The following ROBO3 variants were observed in gnomAD, a reference collection of about 807,000 sequenced individuals.
ROBO3 encodes the protein roundabout homolog 3.
Under a neutral mutation model 160.5 loss-of-function variants are expected in ROBO3, and 97 were observed. The ratio of observed to expected loss-of-function variants is 0.60; its 90% CI spans 0.51 to 0.72. The LOEUF (loss-of-function observed/expected upper bound fraction) is 0.72, where lower values mean the gene tolerates loss of function less well. Among genes scored for constraint, ROBO3 ranks in the 30% least tolerant of loss-of-function variants. The probability of loss-of-function intolerance (pLI) is 0.00; values close to 1 mark genes in which losing one functional copy is unlikely to be tolerated. For synonymous variants in ROBO3, 780 were observed against 746.2 expected (o/e 1.05, Z -0.74); for missense variants, 1,858 against 1,846.5 (o/e 1.01, Z -0.11).
intron 13 of ROBO3, 80 bp downstream of exon 13, chr11:124,874,989 A>T: frequency 6.5e-7 from 1 of 1,539,652 alleles, no homozygotes; most frequent in South Asian, 1.2e-5. Context: ...AGTATGGGAG[A>T]GTGGGAGGTG....
At chr11:124,871,274 T>TGA in intron 7 of ROBO3, 136 bp downstream of exon 7, 1 of 1,061,384 alleles carries the variant, frequency 9.4e-7, no homozygotes. Context: ...GCAGGTTATT[T>TGA]GAGAGGATTA....
rs1357303158 is a variant in ROBO3, at chr11:124,879,317, C to T, written c.3661C>T (p.Pro1221Ser). The T allele has an allele frequency of 6.2e-7, 1 of 1,608,812 alleles. No homozygotes were observed. The highest frequency in any genetic ancestry group is 1.3e-5 in the African/African-American group (1 of 74,924). The change falls in exon 24 of 28, where the codon CCT becomes TCT. Residue 1221 changes from proline (P) to serine (S), a missense_variant. Transcript: ENST00000397801. ...ACCCCACCTCAGCCCCAGTCCTGCC[C>T]CTAGCACAGCCAGCAGTGCCCCAGG... is the stretch of plus-strand genomic sequence containing the variant. Reference protein sequence around the residue: ...ASPHLSPSPAPSTASSAPGRT... With the variant: ...ASPHLSPSPASSTASSAPGRT...
chr11:124,878,012 C>A lies in ROBO3; in HGVS notation c.3062C>A (p.Thr1021Asn), dbSNP rs2135342002. The A allele has an allele frequency of 6.2e-7, 1 of 1,612,310 alleles. No homozygotes were observed. Among genetic ancestry groups the A allele is most frequent in the South Asian group, 1.1e-5 (1 of 90,760 alleles). Residue 1021 changes from threonine (T) to asparagine (N), a missense_variant, in exon 21 of 28, where the codon ACC becomes AAC. Thr to Asn is a moderately conservative substitution (Grantham distance 65). Transcript: ENST00000397801. The surrounding 1 kb of genome is among the most constrained non-coding windows in gnomAD (Gnocchi z 4.3). ...AAPGEGPVYS[T>N]IDPAGEELQT... Reference sequence around the variant, plus strand: ...CCTGGCGAGGGTCCTGTCTATAGCACCATTGACCCAGCGGGGGAGGAGCTG... The same window carrying A: ...CCTGGCGAGGGTCCTGTCTATAGCAACATTGACCCAGCGGGGGAGGAGCTG...
chr11:124,870,405 A>G (rs1946265613), intron 5 of ROBO3, 102 bp downstream of exon 5: 1 of 1,500,240 alleles, frequency 6.7e-7, no homozygotes, highest in African/African-American at 1.4e-5. Context: ...GAGAACACAG[A>G]GAAGTCTGTT....
intron 1 of ROBO3, among the ~76,000 whole-genome samples, chr11:124,868,289 A>G (rs111437648): frequency 6.6e-6 from 1 of 152,158 alleles, no homozygotes; most frequent in Non-Finnish European, 1.5e-5. Context: ...CTTGCCTTTC[A>G]TAAGGGATCC....
intron 20 of ROBO3, 33 bp downstream of exon 20, chr11:124,877,691 G>A (rs928524792): frequency 2.5e-6 from 4 of 1,606,202 alleles, no homozygotes; most frequent in East Asian, 4.5e-5. Flanking sequence ...CCTGGCTTCA[G>A]CGCACTTCTC....
chr11:124,873,292 C>T lies in ROBO3; in HGVS notation c.1537-18C>T. 1 of 1,599,262 alleles carries T rather than the reference C, an allele frequency of 6.3e-7. No homozygotes were observed. The highest frequency in any genetic ancestry group is 8.5e-7 in the Non-Finnish European group (1 of 1,172,672). On this transcript the variant is annotated intron_variant, in intron 9 of 27. Coordinates refer to ENST00000397801, the MANE Select transcript of ROBO3 (RefSeq NM_022370.4). This position sits in a 1 kb window ranked among gnomAD's most constrained non-coding sequence, Gnocchi z 4.5. ...TTGCTCCACTCTCAGTTTGCCAGTGCTCTGCCCTCTCTTCCAGGAGATGGA... is the reference window on the plus strand; with the variant it reads ...TTGCTCCACTCTCAGTTTGCCAGTGTTCTGCCCTCTCTTCCAGGAGATGGA...
At position 124,873,557 on chromosome 11, in the gene ROBO3, G is replaced by A; in HGVS notation, c.1619-140G>A. On this transcript the variant is annotated intron_variant, in intron 10 of 27. Coordinates refer to ENST00000397801, the MANE Select transcript of ROBO3 (RefSeq NM_022370.4). This position sits in a 1 kb window ranked among gnomAD's most constrained non-coding sequence, Gnocchi z 4.5. ...GTAGTGGTACCCATGGGAGGCAGATGTGAGTAGGGGTTCATATACTATAGC... is the reference window on the plus strand; with the variant it reads ...GTAGTGGTACCCATGGGAGGCAGATATGAGTAGGGGTTCATATACTATAGC... The A allele has an allele frequency of 4.2e-6, 4 of 963,638 alleles. No individual in the cohort carries two copies. Among genetic ancestry groups the A allele is most frequent in the East Asian group, 5.2e-5 (2 of 38,252 alleles). 59.7% of individuals were successfully genotyped at this position (963,638 alleles called of 1,614,324 possible).
At position 124,873,184 on chromosome 11, in the gene ROBO3, T is replaced by C; in HGVS notation, c.1536+95T>C. The stretch of plus-strand genomic sequence containing the variant: ...TACTCACTGGGCCTGTAGCCCCATC[T>C]TTACCCCTCTGTTCTCTCAGAGCAC... On this transcript the variant is annotated intron_variant, in intron 9 of 27. Coordinates refer to ENST00000397801, the MANE Select transcript of ROBO3 (RefSeq NM_022370.4). This position sits in a 1 kb window ranked among gnomAD's most constrained non-coding sequence, Gnocchi z 4.5. 7.0e-7 allele frequency: 1 copy of C among 1,432,560 alleles called. No homozygotes were observed. The highest frequency in any genetic ancestry group is 9.7e-7 in the Non-Finnish European group (1 of 1,035,456). 88.7% of individuals were successfully genotyped at this position (1,432,560 alleles called of 1,614,324 possible). A position where few individuals can be genotyped will look rare whatever the true frequency, so the allele number is the denominator to read the frequency against.
Position 124,876,091 on chromosome 11 carries a change from G to A in ROBO3, c.2559G>A (p.Val853=). The part of the protein sequence containing the change: ...TLVAAATSAG[V]GVPSAPVLVQ... ...TCGCGGCGGCCACCAGCGCAGGCGTGGGCGTGCCCAGTGCCCCAGTGCTGG... is the reference window on the plus strand; with the variant it reads ...TCGCGGCGGCCACCAGCGCAGGCGTAGGCGTGCCCAGTGCCCCAGTGCTGG... The change falls in exon 16 of 28, where the codon GTG becomes GTA. Residue 853 remains valine (V), a synonymous_variant. Transcript: ENST00000397801. The surrounding 1 kb of genome is among the most constrained non-coding windows in gnomAD (Gnocchi z 5.3). The A allele has an allele frequency of 6.2e-7, 1 of 1,607,856 alleles. No homozygotes were observed. Among genetic ancestry groups the A allele is most frequent in the Non-Finnish European group, 8.5e-7 (1 of 1,179,276 alleles).
In ROBO3 at chr11:124,878,341, G is replaced by C. The variant is rs1485591701; in HGVS notation, c.3225G>C (p.Gln1075His). The change falls in exon 22 of 28, where the codon CAG becomes CAC. Residue 1075 changes from glutamine to histidine, a missense_variant. Transcript: ENST00000397801. This position sits in a 1 kb window ranked among gnomAD's most constrained non-coding sequence, Gnocchi z 4.3. ...TGAAGCTTCTGGGGAAACCTGTGCA[G>C]ATGCCCTCTCTGAACTGGCCAGAAG... ...GKVKLLGKPV[Q>H]MPSLNWPEAL... 1.2e-6 allele frequency: 2 copies of C among 1,613,852 alleles called. No individual in the cohort carries two copies. Among genetic ancestry groups the C allele is most frequent in the South Asian group, 1.1e-5 (1 of 91,016 alleles).
chr11:124,879,694 A>G, intron 25 of ROBO3, 93 bp from the exon 26 acceptor site: 1 of 1,573,548 alleles, frequency 6.4e-7, no homozygotes, highest in Non-Finnish European at 8.7e-7. Flanking sequence ...TGGGCTGTTC[A>G]TTGGCAGCCT....
At position 124,872,446 on chromosome 11, in the gene ROBO3, A is replaced by G; in HGVS notation, c.1224A>G (p.Gln408=). ...TGRFSVSPRG[Q]LNITAVQRGD... The stretch of plus-strand genomic sequence containing the variant: ...GCTTCTCAGTGTCTCCAAGAGGCCA[A>G]CTTAACATCACCGCGGTGCAGCGTG... Residue 408 remains glutamine (Q), a synonymous_variant, in exon 8 of 28, where the codon CAA becomes CAG. Coordinates refer to ENST00000397801, the MANE Select transcript of ROBO3 (RefSeq NM_022370.4). The surrounding 1 kb of genome is among the most constrained non-coding windows in gnomAD (Gnocchi z 4.3). The G allele has an allele frequency of 2.5e-6, 4 of 1,613,948 alleles. No individual in the cohort carries two copies. The highest frequency in any genetic ancestry group is 1.7e-5 in the Admixed American group (1 of 60,012).
At position 124,877,069 on chromosome 11, in the gene ROBO3, G is replaced by A. The variant is rs1946396673; in HGVS notation, c.2780-92G>A. 7 of 1,412,144 alleles carry A rather than the reference G, an allele frequency of 5.0e-6. No homozygotes were observed. The South Asian group carries it at 8.1e-5, about 16-fold the overall frequency. 87.5% of individuals were successfully genotyped at this position (1,412,144 alleles called of 1,614,324 possible). ...GGTGCAGCCTGAGTGGTGGAACTGG[G>A]ACCGGGGCCTAGGCGTGGACAAGTA... On this transcript the variant is annotated intron_variant, in intron 17 of 27. Transcript: ENST00000397801.
chr11:124,876,424 C>T lies in ROBO3; in HGVS notation c.2743C>T (p.Arg915Cys), dbSNP rs1041666793. The change falls in exon 17 of 28, where the codon CGC becomes TGC. Residue 915 changes from arginine (R) to cysteine (C), a missense_variant. Arg to Cys is a radical substitution (Grantham distance 180). Coordinates refer to ENST00000397801, the MANE Select transcript of ROBO3 (RefSeq NM_022370.4). The surrounding 1 kb of genome is among the most constrained non-coding windows in gnomAD (Gnocchi z 5.3). ...LLGLCAALYW[R>C]RKQRKELSHY... ...CGGGCTCTGCGCCGCCCTCTACTGGCGCCGGAAACAGCGCAAAGAGCTCAG... is the reference window on the plus strand; with the variant it reads ...CGGGCTCTGCGCCGCCCTCTACTGGTGCCGGAAACAGCGCAAAGAGCTCAG... 6.9e-6 allele frequency: 10 copies of T among 1,446,434 alleles called. No individual in the cohort carries two copies. In the Admixed American group the frequency reaches 8.1e-5, roughly 12 times the overall value. The allele number at this position is 1,446,434 out of a possible 1,614,324, so 89.6% of individuals were successfully genotyped here. A position where few individuals can be genotyped will look rare whatever the true frequency, so the allele number is the denominator to read the frequency against.
At position 124,878,809 on chromosome 11, in the gene ROBO3, A is replaced by G. The variant is rs781388050; in HGVS notation, c.3533+13A>G. On this transcript the variant is annotated intron_variant, in intron 23 of 27. Transcript: ENST00000397801. The surrounding 1 kb of genome is among the most constrained non-coding windows in gnomAD (Gnocchi z 4.3). ...ATCAGATGCCCAGGTAGGGAGGTAT[A>G]TAGTACCTCACTCATTGCAAGCCCT... The G allele has an allele frequency of 1.9e-6, 3 of 1,586,378 alleles. No individual in the cohort carries two copies. In the African/African-American group the frequency reaches 4.0e-5, roughly 21 times the overall value.
rs758982065 is a variant in ROBO3, at chr11:124,873,274, A to T, written c.1537-36A>T. On this transcript the variant is annotated intron_variant, in intron 9 of 27. Coordinates refer to ENST00000397801, the MANE Select transcript of ROBO3 (RefSeq NM_022370.4). The surrounding 1 kb of genome is among the most constrained non-coding windows in gnomAD (Gnocchi z 4.5). ...CCACCCCCTCACTGGATCTTGCTCCACTCTCAGTTTGCCAGTGCTCTGCCC... is the reference window on the plus strand; with the variant it reads ...CCACCCCCTCACTGGATCTTGCTCCTCTCTCAGTTTGCCAGTGCTCTGCCC... 3.8e-6 allele frequency: 6 copies of T among 1,575,758 alleles called. No individual in the cohort carries two copies. The East Asian group carries it at 1.4e-4, about 36-fold the overall frequency.
At position 124,877,201 on chromosome 11, in the gene ROBO3, C is replaced by T; in HGVS notation, c.2803+17C>T. 1 of 1,613,960 alleles carries T rather than the reference C, an allele frequency of 6.2e-7. No individual in the cohort carries two copies. Among genetic ancestry groups the T allele is most frequent in the South Asian group, 1.1e-5 (1 of 91,088 alleles). Reference sequence around the variant, plus strand: ...CACCGGCAGGTAAGCCATCTCTGCCCCAGTGGGGTTCAGACCCCCCGGGAC... The same window carrying T: ...CACCGGCAGGTAAGCCATCTCTGCCTCAGTGGGGTTCAGACCCCCCGGGAC... On this transcript the variant is annotated intron_variant, in intron 18 of 27. Coordinates refer to ENST00000397801, the MANE Select transcript of ROBO3 (RefSeq NM_022370.4).
At chr11:124,874,600 T>C (rs1308128162) in intron 12 of ROBO3, among the ~76,000 whole-genome samples, 188 bp from the exon 13 acceptor site, 1 of 152,164 alleles carries the variant, frequency 6.6e-6, no homozygotes, top group African/African-American at 2.4e-5. Context: ...AAAGGATGCA[T>C]GTGTAATTAT....
Sources: gnomAD v4.1 joint callset for allele counts (sites outside exome capture counted in the v4.1 genomes callset) on GRCh38, gnomAD v4.1.1 for gene constraint, Gnocchi (gnomAD v3.1) non-coding constraint, MANE v1.5 for transcripts, NCBI Gene and HGNC (gene_info 2026-07-23, HGNC 2026-07-21) for gene names.